The following KIF13A variants were observed in gnomAD, a reference collection of about 807,000 sequenced individuals.
KIF13A encodes kinesin family member 13A.
KIF13A carries 79 observed loss-of-function variants against 212.2 expected under a neutral mutation model. That is an observed-to-expected ratio of 0.37 (90% CI 0.31 to 0.45). The LOEUF (loss-of-function observed/expected upper bound fraction) is 0.45, where lower values mean the gene tolerates loss of function less well. Among genes scored for constraint, KIF13A ranks in the 20% least tolerant of loss-of-function variants. KIF13A has a pLI of 1.00. For missense variants in KIF13A, 1,901 were observed against 2,209.0 expected (o/e 0.86, Z 2.79); for synonymous variants, 789 against 808.6 (o/e 0.98, Z 0.41).
intron 2 of KIF13A, among the ~76,000 whole-genome samples, chr6:17,923,482 A>G (rs1313094615): frequency 6.6e-6 from 1 of 151,524 alleles, no homozygotes; most frequent in Non-Finnish European, 1.5e-5. Flanking sequence ...ATTCCATTAC[A>G]TCTTCCCTGT....
chr6:17,840,478 ATTATT>A (rs1435541543), intron 9 of KIF13A, among the ~76,000 whole-genome samples: 1 of 152,210 alleles, frequency 6.6e-6, no homozygotes, highest in Non-Finnish European at 1.5e-5. Context: ...TGTGGCACAT[ATTATT>A]TTAATTCACA....
In KIF13A at chr6:17,987,406, C is replaced by T; in HGVS notation, c.55+3G>A. On this transcript the variant is annotated splice_donor_region_variant and intron_variant, in intron 1 of 38. Transcript: ENST00000259711. The surrounding 1 kb of genome is among the most constrained non-coding windows in gnomAD (Gnocchi z 7.7). ...AAATAAAAAAGAGCGGAAAGCTCCT[C>T]ACCTCGTCGGTTCATGGGCCGGACC... 4.4e-6 allele frequency: 6 copies of T among 1,372,154 alleles called. No individual in the cohort carries two copies. Among genetic ancestry groups the T allele is most frequent in the Non-Finnish European group, 5.8e-6 (6 of 1,034,344 alleles). 85.0% of individuals were successfully genotyped at this position (1,372,154 alleles called of 1,614,324 possible). A position where few individuals can be genotyped will look rare whatever the true frequency, so the allele number is the denominator to read the frequency against.
At chr6:17,824,460 G>A (rs760300032) in intron 16 of KIF13A, among the ~76,000 whole-genome samples, 1 of 151,958 alleles carries the variant, frequency 6.6e-6, no homozygotes, top group African/African-American at 2.4e-5. Flanking sequence ...GAGCTCAACT[G>A]TGAAAAACAA....
At chr6:17,805,684 T>C in intron 18 of KIF13A, 69 bp from the exon 19 acceptor site, 1 of 1,388,098 alleles carries the variant, frequency 7.2e-7, no homozygotes, top group Non-Finnish European at 9.8e-7. Context: ...GCAATATATA[T>C]ACAACAGTAA....
chr6:17,934,129 G>A lies in KIF13A; in HGVS notation c.147-35949C>T, dbSNP rs887680677. 6.6e-6 allele frequency among the ~76,000 whole-genome samples: 1 copy of A among 152,040 alleles called. No individual in the cohort carries two copies. The highest frequency in any genetic ancestry group is 2.4e-5 in the African/African-American group (1 of 41,404). On this transcript the variant is annotated intron_variant, in intron 2 of 38. Coordinates refer to ENST00000259711, the MANE Select transcript of KIF13A (RefSeq NM_022113.6). This position sits in a 1 kb window ranked among gnomAD's most constrained non-coding sequence, Gnocchi z 5.4. ...ACATTTAAGTTGAAAAGAATAAAAA[G>A]ACAAGCATTTTCATAAAAACCAGGA...
In KIF13A at chr6:17,813,395, G is replaced by A. The variant is rs1055049025; in HGVS notation, c.2000+3625C>T. Among the ~76,000 whole-genome samples, 19 of 152,166 alleles carry A rather than the reference G, an allele frequency of 1.2e-4. No homozygotes were observed. In the East Asian group the frequency reaches 1.7e-3, roughly 14 times the overall value. ...CTTGGGAGGCAGAGGTAGGAGAATC[G>A]CTTGAACCTGGGAGATGGAGGTTGC... On this transcript the variant is annotated intron_variant, in intron 17 of 38. Coordinates refer to ENST00000259711, the MANE Select transcript of KIF13A (RefSeq NM_022113.6).
intron 2 of KIF13A, among the ~76,000 whole-genome samples, chr6:17,970,602 A>ACC (rs1315439362): frequency 1.3e-5 from 2 of 151,656 alleles, no homozygotes; most frequent in East Asian, 1.9e-4. Context: ...TTCTCCCCTA[A>ACC]CCCCCTTCTT....
intron 16 of KIF13A, among the ~76,000 whole-genome samples, chr6:17,821,139 G>T (rs1581416898): frequency 6.6e-6 from 1 of 152,188 alleles, no homozygotes; most frequent in East Asian, 1.9e-4. Context: ...GGGATTACAG[G>T]AGAGAGCCAT....
At chr6:17,774,582 T>C (rs190432744) in intron 35 of KIF13A, among the ~76,000 whole-genome samples, 1 of 152,296 alleles carries the variant, frequency 6.6e-6, no homozygotes, top group East Asian at 1.9e-4. Flanking sequence ...GAGACCATCC[T>C]GGCCAACATG....
chr6:17,850,752 G>A lies in KIF13A; in HGVS notation c.583-295C>T, dbSNP rs556951387. Reference sequence around the variant, plus strand: ...ATAGCTAATATTTATTGAGCACTCCGATAATCAATAATAGCAGTGACTTGA... The same window carrying A: ...ATAGCTAATATTTATTGAGCACTCCAATAATCAATAATAGCAGTGACTTGA... On this transcript the variant is annotated intron_variant, in intron 7 of 38. Coordinates refer to ENST00000259711, the MANE Select transcript of KIF13A (RefSeq NM_022113.6). The surrounding 1 kb of genome is among the most constrained non-coding windows in gnomAD (Gnocchi z 6.2). Among the ~76,000 whole-genome samples, 6 of 152,136 alleles carry A rather than the reference G, an allele frequency of 3.9e-5. No homozygotes were observed. The highest frequency in any genetic ancestry group is 3.9e-4 in the East Asian group (2 of 5,166).
chr6:17,969,869 TA>T (rs143940958), intron 2 of KIF13A, among the ~76,000 whole-genome samples: 1,532 of 152,230 alleles, frequency 0.01, 27 homozygotes, highest in African/African-American at 0.035. Flanking sequence ...TATTTTCTTT[TA>T]AAAAGTTTTA....
Position 17,855,501 on chromosome 6 carries a change from T to C in KIF13A, c.430A>G (p.Lys144Glu), listed in dbSNP as rs753761466. Reference protein sequence around the residue: ...SLEQNESQTFKVEVSYMEIYN... With the variant: ...SLEQNESQTFEVEVSYMEIYN... ...ATTTCCATATAGGACACTTCAACTTTAAAGGTCTGTGACTCATTTTGCTCC... is the reference window on the plus strand; with the variant it reads ...ATTTCCATATAGGACACTTCAACTTCAAAGGTCTGTGACTCATTTTGCTCC... The change falls in exon 6 of 39, where the codon AAA (lysine) becomes GAA (glutamate). Residue 144 changes from lysine to glutamate, a missense_variant. Physicochemically the swap from Lys to Glu is moderately conservative, Grantham distance 56 (BLOSUM62 1). Coordinates refer to ENST00000259711, the MANE Select transcript of KIF13A (RefSeq NM_022113.6). The surrounding 1 kb of genome is among the most constrained non-coding windows in gnomAD (Gnocchi z 4.1). 1 of 1,613,772 alleles carries C rather than the reference T, an allele frequency of 6.2e-7. No individual in the cohort carries two copies. Among genetic ancestry groups the C allele is most frequent in the Non-Finnish European group, 8.5e-7 (1 of 1,179,768 alleles).
intron 2 of KIF13A, among the ~76,000 whole-genome samples, chr6:17,924,462 T>C (rs969507427): frequency 2.0e-5 from 3 of 152,226 alleles, no homozygotes; most frequent in Non-Finnish European, 1.5e-5. Flanking sequence ...TAAAAGCTTC[T>C]CTTTGAATTA....
In KIF13A at chr6:17,771,993, G is replaced by T. The variant is rs1175300473; in HGVS notation, c.4391C>A (p.Pro1464Gln). ...AGGCATTAGGGGCTTGAAAAACTTTGGTGGCTGAGGAGAGAATGCTTTAAA... is the reference window on the plus strand; with the variant it reads ...AGGCATTAGGGGCTTGAAAAACTTTTGTGGCTGAGGAGAGAATGCTTTAAA... ...SPFKAFSPQP[P>Q]KFFKPLMPVK... Residue 1464 changes from proline (P) to glutamine (Q), a missense_variant, in exon 37 of 39, where the codon CCA (proline) becomes CAA (glutamine). Coordinates refer to ENST00000259711, the MANE Select transcript of KIF13A (RefSeq NM_022113.6). The surrounding 1 kb of genome is among the most constrained non-coding windows in gnomAD (Gnocchi z 5.4). 6.2e-7 allele frequency: 1 copy of T among 1,613,746 alleles called. No homozygotes were observed. The highest frequency in any genetic ancestry group is 1.3e-5 in the African/African-American group (1 of 74,914).
rs1188890380 is a variant in KIF13A at position 17,897,268 on chromosome 6, G to A, written c.159+900C>T. On this transcript the variant is annotated intron_variant, in intron 3 of 38. Transcript: ENST00000259711. This position sits in a 1 kb window ranked among gnomAD's most constrained non-coding sequence, Gnocchi z 4.8. ...CTTTGTCTTTTCTGGATTCCATGCC[G>A]TCACCCAACTTGTCTTAGATTCTGA... is the stretch of plus-strand genomic sequence containing the variant. 3.3e-5 allele frequency among the ~76,000 whole-genome samples: 5 copies of A among 152,082 alleles called. No homozygotes were observed. In the East Asian group the frequency reaches 5.8e-4, roughly 18 times the overall value.
intron 2 of KIF13A, among the ~76,000 whole-genome samples, chr6:17,972,277 T>G (rs1290899693): frequency 1.3e-5 from 2 of 152,258 alleles, no homozygotes; most frequent in African/African-American, 4.8e-5. Flanking sequence ...AATGTCATAA[T>G]GTAACCATTC....
In KIF13A at chr6:17,787,957, A is replaced by G; in HGVS notation, c.3262-82T>C. 1 of 818,972 alleles carries G rather than the reference A, an allele frequency of 1.2e-6. No homozygotes were observed. The highest frequency in any genetic ancestry group is 2.1e-6 in the Non-Finnish European group (1 of 485,876). The allele number at this position is 818,972 out of a possible 1,614,324, so 50.7% of individuals were successfully genotyped here. A position where few individuals can be genotyped will look rare whatever the true frequency, so the allele number is the denominator to read the frequency against. ...CTTTCTTTTTTTAAAAGATGTTTAA[A>G]TCAACTAGGAAATTTTTCATTAGGA... On this transcript the variant is annotated intron_variant, in intron 26 of 38. Coordinates refer to ENST00000259711, the MANE Select transcript of KIF13A (RefSeq NM_022113.6). This position sits in a 1 kb window ranked among gnomAD's most constrained non-coding sequence, Gnocchi z 4.6.
intron 2 of KIF13A, among the ~76,000 whole-genome samples, chr6:17,939,975 G>A (rs1286765597): frequency 6.7e-6 from 1 of 149,526 alleles, no homozygotes; most frequent in East Asian, 2.0e-4. Context: ...GGGAGGCGGA[G>A]CTTGCAGTGA....
chr6:17,976,667 G>A (rs1453612459), intron 2 of KIF13A, among the ~76,000 whole-genome samples: 2 of 152,314 alleles, frequency 1.3e-5, no homozygotes, highest in African/African-American at 2.4e-5. Flanking sequence ...GGCTTCTCAA[G>A]TGCCGCCAAA....
Sources: allele counts gnomAD v4.1 joint callset (sites outside exome capture counted in the v4.1 genomes callset), GRCh38; gene constraint gnomAD v4.1.1; non-coding constraint Gnocchi (gnomAD v3.1); transcripts MANE v1.5; gene names NCBI Gene and HGNC (gene_info 2026-07-23, HGNC 2026-07-21).